The following POLE2 variants were observed in gnomAD, a reference collection of about 807,000 sequenced individuals.
The protein encoded by POLE2 is DNA polymerase epsilon subunit 2.
POLE2 carries 56 observed loss-of-function variants against 79.4 expected under a neutral mutation model. The ratio of observed to expected loss-of-function variants is 0.71; its 90% confidence interval spans 0.57 to 0.88. POLE2 has a LOEUF of 0.88. Ranked by LOEUF, POLE2 falls within the 40% of genes least tolerant of loss-of-function variation. The pLI, the probability that POLE2 is intolerant of heterozygous loss-of-function variation, is 0.00. For missense variants in POLE2, 598 were observed against 638.9 expected (o/e 0.94, Z 0.69); for synonymous variants, 212 against 214.0 (o/e 0.99, Z 0.08).
At chr14:49,649,201 C>CA (rs936121730) in intron 17 of POLE2, among the ~76,000 whole-genome samples, 1 of 125,622 alleles carries the variant, frequency 8.0e-6, no homozygotes, top group African/African-American at 3.2e-5. Flanking sequence ...GGCTGGAGTG[C>CA]AGTGGCGCGA....
chr14:49,679,836 A>C, intron 2 of POLE2, 36 bp from the exon 3 acceptor site: 1 of 557,462 alleles, frequency 1.8e-6, no homozygotes, highest in Non-Finnish European at 2.7e-6. Flanking sequence ...ATTTAAAAAC[A>C]AAAAAAAAAA....
chr14:49,687,226 C>T (rs1288875954), intron 1 of POLE2, among the ~76,000 whole-genome samples: 1 of 151,218 alleles, frequency 6.6e-6, no homozygotes, highest in Non-Finnish European at 1.5e-5. Context: ...GTTCGCATCA[C>T]TGCCCTCCAG....
At position 49,677,248 on chromosome 14, in the gene POLE2, G is replaced by A. The variant is rs112114879; in HGVS notation, c.245+2477C>T. 1,051 of 695,264 alleles carry A rather than the reference G, an allele frequency of 1.5e-3. 8 individuals carry two copies. The African/African-American group carries it at 0.017, about 11-fold the overall frequency. The allele number at this position is 695,264 out of a possible 1,614,324, so 43.1% of individuals were successfully genotyped here. A position where few individuals can be genotyped will look rare whatever the true frequency, so the allele number is the denominator to read the frequency against. On this transcript the variant is annotated intron_variant, in intron 3 of 18. Coordinates refer to ENST00000216367, the MANE Select transcript of POLE2 (RefSeq NM_002692.4). ...GGCTTACTGTCTGAGGGAGTAGGGT[G>A]CTAAGCATGAGGCCCAGCTGCTGCT...
chr14:49,684,919 G>C (rs901780647), intron 1 of POLE2, among the ~76,000 whole-genome samples: 2 of 152,104 alleles, frequency 1.3e-5, no homozygotes, highest in African/African-American at 4.8e-5. Flanking sequence ...GGAGCTTGCA[G>C]TGAGCGGAGA....
chr14:49,666,967 G>A (rs1438708616), intron 6 of POLE2, among the ~76,000 whole-genome samples: 4 of 152,144 alleles, frequency 2.6e-5, no homozygotes, highest in East Asian at 3.9e-4. Context: ...TTGGGAGGCC[G>A]AGGCAGGCGG....
At chr14:49,675,134 G>C (rs764234357) in intron 3 of POLE2, among the ~76,000 whole-genome samples, 4 of 151,578 alleles carry the variant, frequency 2.6e-5, no homozygotes, top group Non-Finnish European at 5.9e-5. Flanking sequence ...GCCCAGGCTG[G>C]AGTGCAATGG....
chr14:49,685,383 G>A (rs1262201338), intron 1 of POLE2, among the ~76,000 whole-genome samples: 1 of 152,052 alleles, frequency 6.6e-6, no homozygotes, highest in African/African-American at 2.4e-5. Context: ...CTTGAAGGTG[G>A]TCCATAAATA....
Position 49,674,105 on chromosome 14 carries a change from GC to G in POLE2, c.417+17del. The G allele has an allele frequency of 7.1e-7, 1 of 1,403,114 alleles. No homozygotes were observed. The highest frequency in any genetic ancestry group is 1.0e-6 in the Non-Finnish European group (1 of 987,922). The allele number at this position is 1,403,114 out of a possible 1,614,324, so 86.9% of individuals were successfully genotyped here. A position where few individuals can be genotyped will look rare whatever the true frequency, so the allele number is the denominator to read the frequency against. On this transcript the variant is annotated intron_variant, in intron 5 of 18. Transcript: ENST00000216367. Reference sequence around the variant, plus strand: ...CATTTTACCCAGTATCCTCCCCTCCGCCCCCTACCAAACTTACCTGGTGCAA... The same window carrying G: ...CATTTTACCCAGTATCCTCCCCTCCGCCCCTACCAAACTTACCTGGTGCAA...
intron 10 of POLE2, among the ~76,000 whole-genome samples, chr14:49,659,621 C>T (rs1884958068): frequency 6.6e-6 from 1 of 152,124 alleles, no homozygotes; most frequent in Non-Finnish European, 1.5e-5. Context: ...TCCTTTGTCA[C>T]TCTGGCTGAA....
rs117049621 is a variant in POLE2 at position 49,648,731 on chromosome 14, C to T, written c.1498-1371G>A. On this transcript the variant is annotated intron_variant, in intron 17 of 18. Transcript: ENST00000216367. ...ACAATGCACAGGATAGCCCCCACCA[C>T]CAAAAATTACTTGGTCCAAAATGTC... is the stretch of plus-strand genomic sequence containing the variant. Among the ~76,000 whole-genome samples, 27 of 152,290 alleles carry T rather than the reference C, an allele frequency of 1.8e-4. No homozygotes were observed. The East Asian group carries it at 5.2e-3, about 29-fold the overall frequency.
At chr14:49,648,204 T>C (rs987950858) in intron 17 of POLE2, among the ~76,000 whole-genome samples, 5 of 152,250 alleles carry the variant, frequency 3.3e-5, no homozygotes, top group African/African-American at 1.2e-4. Context: ...AGGCCCTGTC[T>C]TTTCAGTCTT....
At position 49,679,509 on chromosome 14, in the gene POLE2, G is replaced by GC. The variant is rs1315300009; in HGVS notation, c.245+215dup. 14 of 493,900 alleles carry GC rather than the reference G, an allele frequency of 2.8e-5. No individual in the cohort carries two copies. The Admixed American group carries it at 4.5e-4, about 16-fold the overall frequency. The allele number at this position is 493,900 out of a possible 1,614,324, so 30.6% of individuals were successfully genotyped here. ...CAAAAGTTAGTAATGAATGGTACAA[G>GC]CAACACTGTAACCTCAAATCCCAGG... On this transcript the variant is annotated intron_variant, in intron 3 of 18. Coordinates refer to ENST00000216367, the MANE Select transcript of POLE2 (RefSeq NM_002692.4).
intron 3 of POLE2, among the ~76,000 whole-genome samples, chr14:49,675,984 C>A (rs1023054285): frequency 5.3e-5 from 8 of 151,936 alleles, no homozygotes; most frequent in Non-Finnish European, 8.8e-5. Flanking sequence ...AAACTCCTGA[C>A]CTCATGAGCT....
intron 3 of POLE2, 80 bp downstream of exon 3, chr14:49,679,645 A>G (rs753959001): frequency 2.7e-6 from 2 of 728,058 alleles, no homozygotes; most frequent in South Asian, 3.3e-5. Context: ...TTGATCACTA[A>G]TAATTTTCCA....
chr14:49,648,905 A>G (rs1266134826), intron 17 of POLE2, among the ~76,000 whole-genome samples: 1 of 152,100 alleles, frequency 6.6e-6, no homozygotes, highest in Non-Finnish European at 1.5e-5. Context: ...TCGGCCTCCC[A>G]AAGTGCTGGG....
At chr14:49,677,804 C>A in intron 3 of POLE2, 1 of 630,674 alleles carries the variant, frequency 1.6e-6, no homozygotes, top group Non-Finnish European at 2.5e-6. Flanking sequence ...GACTGTGGAC[C>A]TGCAGCAGCA....
At chr14:49,646,301 G>GTTTTTTTT (rs1566522550) in intron 18 of POLE2, among the ~76,000 whole-genome samples, 2 of 90,756 alleles carry the variant, frequency 2.2e-5, no homozygotes, top group African/African-American at 9.5e-5. Context: ...TTTTTTTGTT[G>GTTTTTTTT]GTTTTTTTTT....
Position 49,645,059 on chromosome 14 carries a change from C to CAAAAAAAAAAAA in POLE2, c.1566-1390_1566-1389insTTTTTTTTTTTT, listed in dbSNP as rs1285927328. Among the ~76,000 whole-genome samples, 7 of 130,896 alleles carry CAAAAAAAAAAAA rather than the reference C, an allele frequency of 5.3e-5. No homozygotes were observed. The South Asian group carries it at 1.1e-3, about 21-fold the overall frequency. The allele number at this position is 130,896 out of a possible 152,430, so 85.9% of individuals were successfully genotyped here. Reference sequence around the variant, plus strand: ...TCCGTCTCACAAAAAAAAAAAAAAACACTGCAGTAAAAAGCCAGCTGTACC... The same window carrying CAAAAAAAAAAAA: ...TCCGTCTCACAAAAAAAAAAAAAAACAAAAAAAAAAAAACTGCAGTAAAAAGCCAGCTGTACC... On this transcript the variant is annotated intron_variant, in intron 18 of 18. Transcript: ENST00000216367.
At chr14:49,649,336 C>T (rs529245645) in intron 17 of POLE2, among the ~76,000 whole-genome samples, 5 of 151,250 alleles carry the variant, frequency 3.3e-5, no homozygotes, top group African/African-American at 9.7e-5. Context: ...TTAGTAGAGA[C>T]GGGGTTGCAC....
Sources: allele counts gnomAD v4.1 joint callset (sites outside exome capture counted in the v4.1 genomes callset), GRCh38; gene constraint gnomAD v4.1.1; transcripts MANE v1.5; gene names NCBI Gene and HGNC (gene_info 2026-07-23, HGNC 2026-07-21).